Variants in SDHC observed in about 807,000 individuals in gnomAD.
The protein encoded by SDHC is succinate dehydrogenase cytochrome b560 subunit, mitochondrial.
SDHC carries 11 observed loss-of-function variants against 22.6 expected under a neutral mutation model. That is an observed-to-expected ratio of 0.49 (90% CI 0.31 to 0.81). The LOEUF (loss-of-function observed/expected upper bound fraction) is 0.81. SDHC is among the 30% of genes least tolerant of loss of function. The pLI, the probability that SDHC is intolerant of heterozygous loss-of-function variation, is 0.05. For synonymous variants in SDHC, 80 were observed against 77.8 expected (o/e 1.03, Z -0.15); for missense variants, 160 against 212.0 (o/e 0.75, Z 1.52).
At chr1:161,342,649 T>C (rs1400934925) in intron 4 of SDHC, among the ~76,000 whole-genome samples, 1 of 152,066 alleles carries the variant, frequency 6.6e-6, no homozygotes, top group East Asian at 1.9e-4. Context: ...CTCAAGTAGC[T>C]GGGATTACAG....
chr1:161,343,435 CCTAT>C (rs1338882526), intron 4 of SDHC, among the ~76,000 whole-genome samples: 1 of 152,072 alleles, frequency 6.6e-6, no homozygotes, highest in Non-Finnish European at 1.5e-5. Context: ...GATAGAGACT[CCTAT>C]CTAAGATCTG....
chr1:161,329,275 A>C (rs1355693296), intron 3 of SDHC, among the ~76,000 whole-genome samples: 2 of 152,136 alleles, frequency 1.3e-5, no homozygotes, highest in Admixed American at 6.6e-5. Context: ...TGAATGATAC[A>C]AGAAGAAGTT....
chr1:161,325,496 A>G (rs2102300501), intron 2 of SDHC, among the ~76,000 whole-genome samples: 1 of 152,278 alleles, frequency 6.6e-6, no homozygotes, highest in African/African-American at 2.4e-5. Flanking sequence ...CCTGGGCAAC[A>G]TGGTGAAACC....
intron 4 of SDHC, among the ~76,000 whole-genome samples, chr1:161,350,896 TC>T (rs747505588): frequency 3.9e-5 from 6 of 152,118 alleles, no homozygotes; most frequent in Non-Finnish European, 7.3e-5. Flanking sequence ...TCCGTTTGGC[TC>T]CTTAGGCATT....
chr1:161,318,352 T>C (rs1377663817), intron 1 of SDHC, among the ~76,000 whole-genome samples: 1 of 152,198 alleles, frequency 6.6e-6, no homozygotes, highest in Non-Finnish European at 1.5e-5. Context: ...GTCATGGCTT[T>C]TGAATATATG....
intron 3 of SDHC, chr1:161,339,545 ATTT>A: frequency 2.0e-6 from 2 of 1,019,238 alleles, no homozygotes; most frequent in Non-Finnish European, 2.5e-6. Flanking sequence ...AGTTATAATC[ATTT>A]TTTTTTTTCT....
intron 3 of SDHC, among the ~76,000 whole-genome samples, chr1:161,330,036 TATAAG>T (rs745672403): frequency 3.9e-5 from 6 of 152,232 alleles, no homozygotes; most frequent in Non-Finnish European, 7.3e-5. Flanking sequence ...CTTTTTGTGA[TATAAG>T]ATAATATATT....
chr1:161,339,597 C>A, intron 3 of SDHC: 1 of 1,223,882 alleles, frequency 8.2e-7, no homozygotes. Flanking sequence ...AGGTAGGGAT[C>A]CTTCTCCATA....
chr1:161,348,389 C>T, intron 4 of SDHC, among the ~76,000 whole-genome samples: 1 of 151,332 alleles, frequency 6.6e-6, no homozygotes, highest in Non-Finnish European at 1.5e-5. Flanking sequence ...GAACTCCTTA[C>T]CTCAAGTGAT....
chr1:161,321,518 C>T (rs1445824464), intron 1 of SDHC, among the ~76,000 whole-genome samples: 1 of 152,102 alleles, frequency 6.6e-6, no homozygotes, highest in East Asian at 1.9e-4. Context: ...TGGGCCTAGC[C>T]TGGTGTGAGG....
chr1:161,315,011 A>AT (rs1670554992), intron 1 of SDHC: 2 of 152,738 alleles, frequency 1.3e-5, no homozygotes, highest in South Asian at 4.0e-4. Context: ...TTAGTTAATC[A>AT]TTTTACTTGG....
intron 1 of SDHC, among the ~76,000 whole-genome samples, chr1:161,318,052 G>A (rs372655344): frequency 5.9e-5 from 9 of 151,662 alleles, no homozygotes; most frequent in Admixed American, 3.3e-4. Flanking sequence ...CGCGCCTGTC[G>A]TCCCAGCTAC....
chr1:161,339,662 G>GTTTTTTTTTTTTTTTTGTTT (rs1671639562), intron 3 of SDHC: 1 of 49,566 alleles, frequency 2.0e-5, no homozygotes, highest in Non-Finnish European at 3.5e-5. Flanking sequence ...TGATACAGGT[G>GTTTTTTTTTTTTTTTTGTTT]TTTTTTTTTT....
At chr1:161,329,064 C>T (rs905992734) in intron 3 of SDHC, among the ~76,000 whole-genome samples, 7 of 151,968 alleles carry the variant, frequency 4.6e-5, no homozygotes, top group Middle Eastern at 3.4e-3. Flanking sequence ...TGCACCACTA[C>T]GGCCAGCTAA....
chr1:161,362,657 C>G lies in SDHC; in HGVS notation c.*224C>G. 2.1e-6 allele frequency: 3 copies of G among 1,412,002 alleles called. No homozygotes were observed. Among genetic ancestry groups the G allele is most frequent in the Non-Finnish European group, 2.9e-6 (3 of 1,033,948 alleles). 87.5% of individuals were successfully genotyped at this position (1,412,002 alleles called of 1,614,324 possible). On this transcript the variant is annotated 3_prime_UTR_variant, in exon 6 of 6. Transcript: ENST00000367975. ...AGATGAGGTGGCTGCAAAAACTCCC[C>G]TTTTTTGCCCACAGCTTGCCTACTC...
chr1:161,321,708 C>T (rs1670844983), intron 1 of SDHC, among the ~76,000 whole-genome samples: 2 of 152,020 alleles, frequency 1.3e-5, no homozygotes, highest in Admixed American at 1.3e-4. Context: ...AATAGTGGGC[C>T]CTTCTAGTGT....
At chr1:161,324,094 AACTT>A (rs1209445859) in intron 2 of SDHC, among the ~76,000 whole-genome samples, 1 of 152,176 alleles carries the variant, frequency 6.6e-6, no homozygotes, top group Non-Finnish European at 1.5e-5. Context: ...AGTTGACTGA[AACTT>A]AAGTAATTGT....
intron 3 of SDHC, among the ~76,000 whole-genome samples, chr1:161,338,630 C>T (rs1410036226): frequency 1.3e-5 from 2 of 152,114 alleles, no homozygotes; most frequent in East Asian, 3.8e-4. Context: ...GAAATATATA[C>T]TAAATCCAGA....
chr1:161,318,271 C>T (rs1670702026), intron 1 of SDHC, among the ~76,000 whole-genome samples: 1 of 152,106 alleles, frequency 6.6e-6, no homozygotes, highest in African/African-American at 2.4e-5. Context: ...TCTTCCCCTT[C>T]CCCCTCCCCC....
Sources: allele counts gnomAD v4.1 joint callset (sites outside exome capture counted in the v4.1 genomes callset), GRCh38; gene constraint gnomAD v4.1.1; transcripts MANE v1.5; gene names NCBI Gene and HGNC (gene_info 2026-07-23, HGNC 2026-07-21).